Variants in ROCK1 observed in about 807,000 individuals in gnomAD.
ROCK1 encodes Rho associated coiled-coil containing protein kinase 1.
In ROCK1, 36 loss-of-function variants were observed where a neutral mutation model predicts 196.8. The ratio of observed to expected loss-of-function variants is 0.18; its 90% CI spans 0.14 to 0.24. The LOEUF (loss-of-function observed/expected upper bound fraction) is 0.24. Ranked by LOEUF, ROCK1 falls within the 10% of genes least tolerant of loss-of-function variation. The pLI, the probability that ROCK1 is intolerant of heterozygous loss-of-function variation, is 1.00. For missense variants in ROCK1, 920 were observed against 1,562.0 expected, an observed-to-expected ratio of 0.59 and a Z score of 6.93; for synonymous variants, 443 against 515.9, an observed-to-expected ratio of 0.86 and a Z score of 1.91.
intron 25 of ROCK1, among the ~76,000 whole-genome samples, chr18:20,968,204 G>T (rs1358808230): frequency 6.6e-6 from 1 of 152,142 alleles, no homozygotes; most frequent in Admixed American, 6.5e-5. Flanking sequence ...CTACTCTGAT[G>T]TTGGGTACTA....
chr18:21,104,252 A>G (rs1215702823), intron 1 of ROCK1, among the ~76,000 whole-genome samples: 1 of 152,206 alleles, frequency 6.6e-6, no homozygotes, highest in Non-Finnish European at 1.5e-5. Context: ...AAAACTGAGA[A>G]TTTACTCTTT....
chr18:21,049,410 T>C (rs887375327), intron 3 of ROCK1, among the ~76,000 whole-genome samples, 181 bp from the exon 4 acceptor site: 5 of 152,224 alleles, frequency 3.3e-5, no homozygotes, highest in African/African-American at 1.2e-4. Context: ...AGACTTTAAT[T>C]ATCAGAAGTA....
intron 1 of ROCK1, among the ~76,000 whole-genome samples, chr18:21,073,151 T>C (rs2036401810): frequency 8.0e-6 from 1 of 125,736 alleles, no homozygotes. Context: ...TGTCAAAAAA[T>C]TACAGTAATT....
intron 27 of ROCK1, among the ~76,000 whole-genome samples, chr18:20,961,756 G>A (rs954822874): frequency 5.6e-4 from 84 of 151,270 alleles, no homozygotes; most frequent in African/African-American, 1.9e-3. Context: ...TAAAATGGAG[G>A]AAATGGTGAG....
intron 18 of ROCK1, among the ~76,000 whole-genome samples, chr18:20,990,357 C>T (rs556050298): frequency 2.0e-5 from 3 of 152,012 alleles, no homozygotes; most frequent in South Asian, 4.2e-4. Flanking sequence ...ATTCCACTAA[C>T]TTTTATAGGA....
chr18:21,029,722 G>A (rs2035990231), intron 9 of ROCK1, among the ~76,000 whole-genome samples: 1 of 152,100 alleles, frequency 6.6e-6, no homozygotes, highest in East Asian at 1.9e-4. Context: ...TAATATAGGA[G>A]AAAATTCCAT....
intron 2 of ROCK1, among the ~76,000 whole-genome samples, chr18:21,058,309 T>C (rs1210416553): frequency 1.3e-5 from 2 of 152,184 alleles, no homozygotes; most frequent in African/African-American, 4.8e-5. Context: ...TTGCCTACCC[T>C]AAGATCCTAG....
At position 21,015,457 on chromosome 18, in the gene ROCK1, T is replaced by A; in HGVS notation, c.1384A>T (p.Lys462Ter). 1 of 1,565,836 alleles carries A rather than the reference T, an allele frequency of 6.4e-7. No individual in the cohort carries two copies. The highest frequency in any genetic ancestry group is 8.8e-7 in the Non-Finnish European group (1 of 1,140,706). Residue 462 changes from lysine (K) to a stop codon, truncating the protein, a stop_gained, in exon 13 of 33, where the codon AAG (lysine) becomes TAG (stop). Coordinates refer to ENST00000399799, the MANE Select transcript of ROCK1 (RefSeq NM_005406.3). LOFTEE classifies it high-confidence loss of function. ...KCRTSNIKLD[K>*]IMKELDEEGN... ...TCTTCATCCAATTCTTTCATTATCT[T>A]GTCTAGTTTTATGTTTGAGGTTCTG...
rs878882556 is a variant in ROCK1, at chr18:21,110,842, C to T, written c.69G>A (p.Ser23=). Residue 23 remains serine, a synonymous_variant, in exon 1 of 33, where the codon TCG becomes TCA. Transcript: ENST00000399799. The stretch of plus-strand genomic sequence containing the variant: ...CCAGCAAACAATCCGAATTCACTTC[C>T]GATTTGGGATCCCGCAGCAGGTTGT... ...KMDNLLRDPK[S]EVNSDCLLDG... The T allele has an allele frequency of 1.2e-6, 2 of 1,614,024 alleles. No homozygotes were observed. Among genetic ancestry groups the T allele is most frequent in the South Asian group, 2.2e-5 (2 of 91,088 alleles).
intron 1 of ROCK1, among the ~76,000 whole-genome samples, chr18:21,099,866 C>A (rs2036643630): frequency 6.6e-6 from 1 of 151,958 alleles, no homozygotes; most frequent in African/African-American, 2.4e-5. Context: ...CAAAACCCTA[C>A]CTCTACTAAA....
At chr18:21,073,117 A>ATATG (rs1297334026) in intron 1 of ROCK1, among the ~76,000 whole-genome samples, 2 of 150,920 alleles carry the variant, frequency 1.3e-5, no homozygotes, top group African/African-American at 4.9e-5. Context: ...GGAGGAGAAA[A>ATATG]TATGTAACAG....
chr18:21,100,020 A>G (rs575770307), intron 1 of ROCK1, among the ~76,000 whole-genome samples: 1 of 152,308 alleles, frequency 6.6e-6, no homozygotes, highest in East Asian at 1.9e-4. Context: ...TGGGCGACAG[A>G]GCAAGACTGT....
chr18:21,086,927 A>C (rs907292156), intron 1 of ROCK1, among the ~76,000 whole-genome samples: 1 of 152,214 alleles, frequency 6.6e-6, no homozygotes, highest in Admixed American at 6.5e-5. Flanking sequence ...AAATGTAAAA[A>C]TATGGGAAAA....
At chr18:21,061,024 G>GA (rs1568398405) in intron 2 of ROCK1, among the ~76,000 whole-genome samples, 1 of 150,554 alleles carries the variant, frequency 6.6e-6, no homozygotes, top group Non-Finnish European at 1.5e-5. Context: ...GGGAAAAAAG[G>GA]AAAAAGCAAC....
At chr18:21,102,520 CAAAT>C (rs764917914) in intron 1 of ROCK1, among the ~76,000 whole-genome samples, 2 of 152,122 alleles carry the variant, frequency 1.3e-5, no homozygotes, top group Non-Finnish European at 2.9e-5. Context: ...AAACATTTGT[CAAAT>C]GAATGAATGA....
intron 1 of ROCK1, among the ~76,000 whole-genome samples, chr18:21,109,595 TGTG>T (rs1467676911): frequency 6.6e-6 from 1 of 152,196 alleles, no homozygotes; most frequent in Non-Finnish European, 1.5e-5. Flanking sequence ...GCATCCATAA[TGTG>T]GTGAGACATT....
intron 19 of ROCK1, among the ~76,000 whole-genome samples, chr18:20,984,746 T>G (rs1187918912): frequency 6.6e-6 from 1 of 152,104 alleles, no homozygotes; most frequent in Non-Finnish European, 1.5e-5. Context: ...CATGAGATCT[T>G]GTGGAGGGAA....
chr18:21,089,326 C>T (rs2036551623), intron 1 of ROCK1, among the ~76,000 whole-genome samples: 2 of 152,212 alleles, frequency 1.3e-5, no homozygotes, highest in African/African-American at 2.4e-5. Context: ...TCCCAAAATG[C>T]TGGGATTACA....
chr18:21,099,534 A>G (rs1483283184), intron 1 of ROCK1, among the ~76,000 whole-genome samples: 4 of 151,994 alleles, frequency 2.6e-5, no homozygotes, highest in African/African-American at 9.7e-5. Context: ...CCTTGAGCCT[A>G]GGAGTTTGAT....
Sources: allele counts gnomAD v4.1 joint callset (sites outside exome capture counted in the v4.1 genomes callset), GRCh38; gene constraint gnomAD v4.1.1; transcripts MANE v1.5; gene names NCBI Gene and HGNC (gene_info 2026-07-23, HGNC 2026-07-21).